Variants in PLD5 observed in about 807,000 individuals in gnomAD.
The protein encoded by PLD5 is phospholipase D family member 5.
Under a neutral mutation model 61.1 loss-of-function variants are expected in PLD5, and 36 were observed. The observed-to-expected ratio is 0.59, with a 90% CI of 0.45 to 0.78. The LOEUF (loss-of-function observed/expected upper bound fraction) is 0.78, where lower values mean the gene tolerates loss of function less well. Ranked by LOEUF, PLD5 falls within the 30% of genes least tolerant of loss-of-function variation. The pLI is 0.00. For synonymous variants in PLD5, 243 were observed against 242.8 expected, an observed-to-expected ratio of 1.00 and a Z score of -0.01; for missense variants, 515 against 644.4, an observed-to-expected ratio of 0.80 and a Z score of 2.17.
At chr1:242,411,818 A>G (rs542411049) in intron 1 of PLD5, among the ~76,000 whole-genome samples, 3 of 152,294 alleles carry the variant, frequency 2.0e-5, no homozygotes, top group African/African-American at 7.2e-5. Flanking sequence ...GCCCCAATCA[A>G]TTAAGGTTTA....
At chr1:242,310,632 AC>A (rs1396304790) in intron 2 of PLD5, among the ~76,000 whole-genome samples, 2 of 152,236 alleles carry the variant, frequency 1.3e-5, no homozygotes. Context: ...AAAAGTAATA[AC>A]AAAAATCACA....
At chr1:242,324,988 G>A (rs1477289690) in intron 2 of PLD5, among the ~76,000 whole-genome samples, 1 of 152,170 alleles carries the variant, frequency 6.6e-6, no homozygotes, top group African/African-American at 2.4e-5. Flanking sequence ...TAGAGAAGCT[G>A]ATTTGAGTAA....
chr1:242,381,398 G>A (rs1365639386), intron 1 of PLD5, among the ~76,000 whole-genome samples: 1 of 152,132 alleles, frequency 6.6e-6, no homozygotes, highest in Non-Finnish European at 1.5e-5. Context: ...ATAGGTGGTT[G>A]GGGGTGAGGG....
chr1:242,136,776 T>C (rs1323733676), intron 5 of PLD5, among the ~76,000 whole-genome samples: 1 of 152,214 alleles, frequency 6.6e-6, no homozygotes, highest in South Asian at 2.1e-4. Context: ...GGGAACCTTA[T>C]GTAACAATTT....
chr1:242,245,343 G>A (rs1672293308), intron 4 of PLD5, among the ~76,000 whole-genome samples: 1 of 152,216 alleles, frequency 6.6e-6, no homozygotes, highest in Admixed American at 6.5e-5. Flanking sequence ...GAACACAGAA[G>A]CATAGACTTC....
intron 2 of PLD5, among the ~76,000 whole-genome samples, chr1:242,309,519 G>A (rs916422603): frequency 2.0e-5 from 3 of 151,678 alleles, no homozygotes; most frequent in Non-Finnish European, 4.4e-5. Flanking sequence ...GATTACAGGT[G>A]CATGCCATCA....
chr1:242,160,870 G>A (rs1457303522), intron 5 of PLD5, among the ~76,000 whole-genome samples: 1 of 151,890 alleles, frequency 6.6e-6, no homozygotes, highest in African/African-American at 2.4e-5. Context: ...GAGCAACAGA[G>A]TGAGAATCCA....
At chr1:242,220,300 G>A (rs1364462548) in intron 4 of PLD5, among the ~76,000 whole-genome samples, 185 bp from the exon 5 acceptor site, 1 of 141,228 alleles carries the variant, frequency 7.1e-6, no homozygotes, top group Admixed American at 7.5e-5. Context: ...CTAAAACAAA[G>A]AAAACTAAAA....
At chr1:242,139,350 T>C (rs1370253054) in intron 5 of PLD5, among the ~76,000 whole-genome samples, 1 of 152,094 alleles carries the variant, frequency 6.6e-6, no homozygotes, top group Admixed American at 6.6e-5. Flanking sequence ...ATTCAGAAAA[T>C]AAATTTCTCC....
intron 5 of PLD5, among the ~76,000 whole-genome samples, chr1:242,128,994 A>C (rs1663022850): frequency 1.3e-5 from 2 of 152,192 alleles, no homozygotes; most frequent in Non-Finnish European, 2.9e-5. Flanking sequence ...CATCATTCTG[A>C]GTGATGTTTG....
chr1:242,517,310 A>G (rs1371429068), intron 1 of PLD5, among the ~76,000 whole-genome samples: 1 of 152,178 alleles, frequency 6.6e-6, no homozygotes, highest in Non-Finnish European at 1.5e-5. Flanking sequence ...TTCGCCATTA[A>G]CTGTGATTCT....
At chr1:242,488,666 A>G (rs1325844855) in intron 1 of PLD5, among the ~76,000 whole-genome samples, 3 of 152,200 alleles carry the variant, frequency 2.0e-5, no homozygotes, top group Non-Finnish European at 4.4e-5. Flanking sequence ...GATATATGCC[A>G]TTACATATTT....
chr1:242,388,985 T>A (rs1438878357), intron 1 of PLD5, among the ~76,000 whole-genome samples: 1 of 148,290 alleles, frequency 6.7e-6, no homozygotes, highest in African/African-American at 2.5e-5. Context: ...TAAAAATAGT[T>A]AAATCAAATT....
At chr1:242,503,942 A>G (rs1369618020) in intron 1 of PLD5, among the ~76,000 whole-genome samples, 1 of 152,204 alleles carries the variant, frequency 6.6e-6, no homozygotes, top group Admixed American at 6.5e-5. Flanking sequence ...TATGTGGGAT[A>G]AAAGATTGCT....
intron 2 of PLD5, among the ~76,000 whole-genome samples, chr1:242,299,517 A>C (rs1675906409): frequency 6.6e-6 from 1 of 152,248 alleles, no homozygotes; most frequent in Non-Finnish European, 1.5e-5. Context: ...AAGCCCAGCA[A>C]TATGACTGTA....
chr1:242,512,207 CG>C (rs1191819536), intron 1 of PLD5, among the ~76,000 whole-genome samples: 1 of 150,364 alleles, frequency 6.7e-6, no homozygotes, highest in Non-Finnish European at 1.5e-5. Context: ...GTCAGGAGAT[CG>C]AGACCATCCT....
chr1:242,482,967 A>C (rs1558598309), intron 1 of PLD5, among the ~76,000 whole-genome samples: 1 of 152,188 alleles, frequency 6.6e-6, no homozygotes, highest in Non-Finnish European at 1.5e-5. Flanking sequence ...TAAGCTTCAT[A>C]AGTGAAGGAG....
chr1:242,186,589 G>C (rs1667912265), intron 5 of PLD5, among the ~76,000 whole-genome samples: 1 of 152,012 alleles, frequency 6.6e-6, no homozygotes, highest in African/African-American at 2.4e-5. Context: ...TTAAAACAAA[G>C]AGCAAAAGAG....
intron 5 of PLD5, among the ~76,000 whole-genome samples, chr1:242,186,349 A>G (rs1055597540): frequency 6.6e-6 from 1 of 151,958 alleles, no homozygotes; most frequent in Admixed American, 6.6e-5. Flanking sequence ...TGCCCAGTTA[A>G]TTTTTGTACT....
Sources: gnomAD v4.1 joint callset for allele counts (sites outside exome capture counted in the v4.1 genomes callset) on GRCh38, gnomAD v4.1.1 for gene constraint, MANE v1.5 for transcripts, NCBI Gene and HGNC (gene_info 2026-07-23, HGNC 2026-07-21) for gene names.